PLA2G4A: variants seen among roughly 807,000 people sequenced by gnomAD.
PLA2G4A encodes phospholipase A2 group IVA.
In PLA2G4A, 40 loss-of-function variants were observed where a neutral mutation model predicts 81.9. The observed-to-expected ratio is 0.49, with a 90% CI of 0.38 to 0.64. The LOEUF is 0.64. PLA2G4A is among the 30% of genes least tolerant of loss of function. The pLI is 0.00. For synonymous variants in PLA2G4A, 302 were observed against 296.9 expected (o/e 1.02, Z -0.18); for missense variants, 715 against 905.1 (o/e 0.79, Z 2.69).
intron 14 of PLA2G4A, among the ~76,000 whole-genome samples, chr1:186,960,882 T>C (rs2102267553): frequency 6.6e-6 from 1 of 152,316 alleles, no homozygotes; most frequent in East Asian, 1.9e-4. Context: ...GCTAGTACTT[T>C]AAGTTGTTGA....
chr1:186,851,516 G>A (rs1009710976), intron 1 of PLA2G4A, among the ~76,000 whole-genome samples: 2 of 151,988 alleles, frequency 1.3e-5, no homozygotes, highest in South Asian at 2.1e-4. Flanking sequence ...ACTTGGGAAC[G>A]GATGTAGTTC....
At chr1:186,850,414 T>A (rs1652331265) in intron 1 of PLA2G4A, among the ~76,000 whole-genome samples, 1 of 152,114 alleles carries the variant, frequency 6.6e-6, no homozygotes. Flanking sequence ...ACATTAATCA[T>A]AATAAACAGT....
Position 186,911,745 on chromosome 1 carries a change from A to G in PLA2G4A, c.558+356A>G, listed in dbSNP as rs186450128. On this transcript the variant is annotated intron_variant, in intron 7 of 17. Transcript: ENST00000367466. Reference sequence around the variant, plus strand: ...GGTTCTCCAGAGAAACAGAACCAAAAGATATACACAGTAGATATGAGGAGA... The same window carrying G: ...GGTTCTCCAGAGAAACAGAACCAAAGGATATACACAGTAGATATGAGGAGA... Among the ~76,000 whole-genome samples, 495 of 152,286 alleles carry G rather than the reference A, an allele frequency of 3.3e-3. 2 individuals are homozygous for G. Among genetic ancestry groups the G allele is most frequent in the Middle Eastern group, 0.024 (7 of 294 alleles).
intron 8 of PLA2G4A, among the ~76,000 whole-genome samples, chr1:186,935,497 A>C (rs1655914722): frequency 6.6e-6 from 1 of 151,752 alleles, no homozygotes; most frequent in Non-Finnish European, 1.5e-5. Context: ...ATGGAAGATA[A>C]AGAAATAGAA....
chr1:186,857,669 G>T (rs1330356393), intron 2 of PLA2G4A, among the ~76,000 whole-genome samples: 1 of 150,390 alleles, frequency 6.6e-6, no homozygotes. Flanking sequence ...GGCTACATAG[G>T]TATATATTTG....
chr1:186,986,009 A>G (rs565336142), intron 17 of PLA2G4A, among the ~76,000 whole-genome samples: 7 of 152,232 alleles, frequency 4.6e-5, no homozygotes, highest in Non-Finnish European at 1.0e-4. Context: ...CTATCACAGA[A>G]CTGTAACTCC....
In PLA2G4A at chr1:186,922,494, G is replaced by A. The variant is rs562235769; in HGVS notation, c.559-10269G>A. Among the ~76,000 whole-genome samples the A allele has an allele frequency of 1.2e-4, 19 of 152,250 alleles. No individual in the cohort carries two copies. The South Asian group carries it at 1.5e-3, about 12-fold the overall frequency. ...GATCCTTCACGGGGGCCTGCCACGC[G>A]CTGCTCTGGTGAGGCATTCCACTGG... is the stretch of plus-strand genomic sequence containing the variant. On this transcript the variant is annotated intron_variant, in intron 7 of 17. Transcript: ENST00000367466.
intron 13 of PLA2G4A, among the ~76,000 whole-genome samples, chr1:186,954,449 G>A (rs6675166): frequency 0.16 from 24,519 of 151,964 alleles, 3,194 homozygotes; most frequent in African/African-American, 0.36. Flanking sequence ...GGGTGTGGGG[G>A]GCTGGGGGAG....
intron 7 of PLA2G4A, among the ~76,000 whole-genome samples, chr1:186,928,643 A>G (rs1655634306): frequency 6.6e-6 from 1 of 152,128 alleles, no homozygotes; most frequent in African/African-American, 2.4e-5. Context: ...TTCTTTGAAA[A>G]ACCCTGACTA....
chr1:186,913,102 G>A (rs1012635361), intron 7 of PLA2G4A, among the ~76,000 whole-genome samples: 26 of 151,056 alleles, frequency 1.7e-4, no homozygotes, highest in African/African-American at 6.3e-4. Context: ...ATATTTTGTA[G>A]TAGAGTTAAA....
chr1:186,884,170 A>G (rs909763189), intron 3 of PLA2G4A, among the ~76,000 whole-genome samples: 13 of 152,082 alleles, frequency 8.5e-5, no homozygotes, highest in African/African-American at 3.1e-4. Flanking sequence ...GAACTTAAAT[A>G]TGAATACATT....
intron 2 of PLA2G4A, among the ~76,000 whole-genome samples, chr1:186,856,703 G>A (rs1018936208): frequency 2.0e-5 from 3 of 151,922 alleles, no homozygotes; most frequent in African/African-American, 7.2e-5. Context: ...TAAGGGCTCT[G>A]ATAAGAGACA....
At chr1:186,902,952 T>C (rs931920710) in intron 5 of PLA2G4A, among the ~76,000 whole-genome samples, 7 of 152,064 alleles carry the variant, frequency 4.6e-5, no homozygotes, top group African/African-American at 1.7e-4. Context: ...CTTTTAAACA[T>C]GCAGAATTTA....
intron 8 of PLA2G4A, among the ~76,000 whole-genome samples, chr1:186,935,605 G>A (rs1372828083): frequency 6.6e-6 from 1 of 151,884 alleles, no homozygotes; most frequent in Non-Finnish European, 1.5e-5. Flanking sequence ...AGGTGAAGGT[G>A]TTAACCAGGG....
intron 8 of PLA2G4A, among the ~76,000 whole-genome samples, chr1:186,937,035 T>A (rs1433793118): frequency 6.8e-6 from 1 of 148,140 alleles, no homozygotes; most frequent in Non-Finnish European, 1.5e-5. Flanking sequence ...TATGTTTTTT[T>A]TTTTTTATTT....
In PLA2G4A at chr1:186,900,336, A is replaced by T. The variant is rs192304330; in HGVS notation, c.378+6125A>T. On this transcript the variant is annotated intron_variant, in intron 5 of 17. Transcript: ENST00000367466. ...AATTAAATAGGTTAATGCGTAAAAC[A>T]TATTAAGATACTTCCTGGCCCATTA... Among the ~76,000 whole-genome samples, 209 of 152,366 alleles carry T rather than the reference A, an allele frequency of 1.4e-3. 2 individuals carry two copies. The Middle Eastern group carries it at 0.017, about 12-fold the overall frequency.
intron 7 of PLA2G4A, among the ~76,000 whole-genome samples, chr1:186,918,359 A>T (rs1655222896): frequency 6.6e-6 from 1 of 151,522 alleles, no homozygotes; most frequent in Non-Finnish European, 1.5e-5. Context: ...CCAGAGTTTA[A>T]CAGGCCCTTT....
At chr1:186,832,658 T>C (rs1393457668) in intron 1 of PLA2G4A, among the ~76,000 whole-genome samples, 1 of 152,228 alleles carries the variant, frequency 6.6e-6, no homozygotes, top group Non-Finnish European at 1.5e-5. Flanking sequence ...TGAGCAATTT[T>C]CATAGTGGCC....
intron 9 of PLA2G4A, 47 bp downstream of exon 9, chr1:186,939,277 A>T: frequency 1.2e-6 from 1 of 801,512 alleles, no homozygotes; most frequent in Non-Finnish European, 2.1e-6. Context: ...AGTAGACAGA[A>T]CATATTATAA....
Sources: allele counts gnomAD v4.1 joint callset (sites outside exome capture counted in the v4.1 genomes callset), GRCh38; gene constraint gnomAD v4.1.1; transcripts MANE v1.5; gene names NCBI Gene and HGNC (gene_info 2026-07-23, HGNC 2026-07-21).